The following GOLGA2 variants were observed in gnomAD, a reference collection of about 807,000 sequenced individuals.
GOLGA2 encodes the protein golgin A2.
GOLGA2 carries 49 observed loss-of-function variants against 148.8 expected under a neutral mutation model. The observed-to-expected ratio is 0.33, with a 90% CI of 0.26 to 0.42. The LOEUF (loss-of-function observed/expected upper bound fraction) is 0.42. Ranked by LOEUF, GOLGA2 falls within the 10% of genes least tolerant of loss-of-function variation. The probability of loss-of-function intolerance (pLI) is 1.00; values close to 1 mark genes in which losing one functional copy is unlikely to be tolerated. For synonymous variants in GOLGA2, 501 were observed against 511.8 expected (o/e 0.98, Z 0.28); for missense variants, 1,178 against 1,304.6 (o/e 0.90, Z 1.49).
intron 14 of GOLGA2, 72 bp downstream of exon 14, chr9:128,262,491 C>G: frequency 6.9e-7 from 1 of 1,452,032 alleles, no homozygotes; most frequent in Non-Finnish European, 9.4e-7. Flanking sequence ...TCTCCCCATG[C>G]CCTGCATGAT....
chr9:128,266,563 C>G lies in GOLGA2; in HGVS notation c.643-238G>C, dbSNP rs1830608948. The G allele has an allele frequency of 1.7e-6, 1 of 590,946 alleles. No homozygotes were observed. The highest frequency in any genetic ancestry group is 1.9e-5 in the African/African-American group (1 of 53,620). 36.6% of individuals were successfully genotyped at this position (590,946 alleles called of 1,614,324 possible). A position where few individuals can be genotyped will look rare whatever the true frequency, so the allele number is the denominator to read the frequency against. On this transcript the variant is annotated intron_variant, in intron 8 of 26. Transcript: ENST00000611957. The surrounding 1 kb of genome is among the most constrained non-coding windows in gnomAD (Gnocchi z 4.2). Reference sequence around the variant, plus strand: ...CTGAATCTCGATTCTCTTGAAAGGACAGTAACATAAACCTCTAGAGATGGA... The same window carrying G: ...CTGAATCTCGATTCTCTTGAAAGGAGAGTAACATAAACCTCTAGAGATGGA...
At position 128,275,893 on chromosome 9, in the gene GOLGA2, CT is replaced by C; in HGVS notation, c.83del (p.Lys28SerfsTer2). ...GGGGCCGCGACCCGGTGCACTTTAC[CT>C]TTTTCTTCGCTGCGGCCAATTTGCT... ...RQSKLAAAKK[K>X]LREYQQRNSP... On this transcript the variant is annotated frameshift_variant and splice_region_variant, in exon 1 of 27. Coordinates refer to ENST00000611957, the MANE Select transcript of GOLGA2 (RefSeq NM_001366244.2). LOFTEE classifies it high-confidence loss of function. The C allele has an allele frequency of 6.4e-7, 1 of 1,552,278 alleles. No individual in the cohort carries two copies. The highest frequency in any genetic ancestry group is 8.7e-7 in the Non-Finnish European group (1 of 1,143,216).
chr9:128,257,229 G>C lies in GOLGA2; in HGVS notation c.2928C>G (p.Ala976=). 2 of 1,613,750 alleles carry C rather than the reference G, an allele frequency of 1.2e-6. No individual in the cohort carries two copies. Among genetic ancestry groups the C allele is most frequent in the Non-Finnish European group, 1.7e-6 (2 of 1,179,964 alleles). The change falls in exon 27 of 27, where the codon GCC becomes GCG. Residue 976 remains alanine, a synonymous_variant. Transcript: ENST00000611957. This position sits in a 1 kb window ranked among gnomAD's most constrained non-coding sequence, Gnocchi z 8.0. ...GGTTGTCACGGGGAGAACCCTCCCTGGCCTCTCCTTGGGCAGGCTCCACAC... is the reference window on the plus strand; with the variant it reads ...GGTTGTCACGGGGAGAACCCTCCCTCGCCTCTCCTTGGGCAGGCTCCACAC... ...AGSVEPAQGE[A]REGSPRDNPT...
chr9:128,273,673 G>A (rs1252697955), intron 2 of GOLGA2, 177 bp downstream of exon 2: 2 of 688,340 alleles, frequency 2.9e-6, no homozygotes, highest in South Asian at 2.1e-5. Context: ...GTTGTGAAAA[G>A]AGAGGCCCAA....
intron 3 of GOLGA2, among the ~76,000 whole-genome samples, chr9:128,269,495 C>G (rs1830800319): frequency 6.6e-6 from 1 of 152,150 alleles, no homozygotes; most frequent in African/African-American, 2.4e-5. Context: ...GGAATAGTAC[C>G]TGAGGACAAT....
rs758122712 is a variant in GOLGA2, at chr9:128,258,960, C to G, written c.2173+47G>C. The G allele has an allele frequency of 4.1e-6, 5 of 1,217,612 alleles. No individual in the cohort carries two copies. Among genetic ancestry groups the G allele is most frequent in the Non-Finnish European group, 6.0e-6 (5 of 827,508 alleles). 75.4% of individuals were successfully genotyped at this position (1,217,612 alleles called of 1,614,324 possible). On this transcript the variant is annotated intron_variant, in intron 21 of 26. Transcript: ENST00000611957. This position sits in a 1 kb window ranked among gnomAD's most constrained non-coding sequence, Gnocchi z 6.6. Reference sequence around the variant, plus strand: ...CAATTCTACGCTGCTAACAGTCCCCCCTTCTTCCTGGGGCTCTCTCCTCTT... The same window carrying G: ...CAATTCTACGCTGCTAACAGTCCCCGCTTCTTCCTGGGGCTCTCTCCTCTT...
Position 128,260,325 on chromosome 9 carries a change from A to C in GOLGA2, c.1759-136T>G. The C allele has an allele frequency of 9.2e-7, 1 of 1,082,140 alleles. No homozygotes were observed. Among genetic ancestry groups the C allele is most frequent in the Non-Finnish European group, 1.4e-6 (1 of 713,266 alleles). The allele number at this position is 1,082,140 out of a possible 1,614,324, so 67.0% of individuals were successfully genotyped here. A position where few individuals can be genotyped will look rare whatever the true frequency, so the allele number is the denominator to read the frequency against. Reference sequence around the variant, plus strand: ...AAATCATCCCCTCTCCCCCACAGCCATCGGAGCAGGGCTCTGGCTCACAGA... The same window carrying C: ...AAATCATCCCCTCTCCCCCACAGCCCTCGGAGCAGGGCTCTGGCTCACAGA... On this transcript the variant is annotated intron_variant, in intron 18 of 26. Coordinates refer to ENST00000611957, the MANE Select transcript of GOLGA2 (RefSeq NM_001366244.2). This position sits in a 1 kb window ranked among gnomAD's most constrained non-coding sequence, Gnocchi z 4.8.
At position 128,260,142 on chromosome 9, in the gene GOLGA2, G is replaced by A. The variant is rs1191242343; in HGVS notation, c.1806C>T (p.His602=). 1.6e-5 allele frequency: 26 copies of A among 1,610,474 alleles called. No individual in the cohort carries two copies. The highest frequency in any genetic ancestry group is 6.7e-5 in the African/African-American group (5 of 74,870). The part of the protein sequence containing the change: ...EITSALQSEQ[H]VKRELGKKLG... ...GCTTCTTTCCCAGCTCCCTCTTGACGTGCTGCTCCGACTGCAGTGCGCTGG... is the reference window on the plus strand; with the variant it reads ...GCTTCTTTCCCAGCTCCCTCTTGACATGCTGCTCCGACTGCAGTGCGCTGG... The change falls in exon 19 of 27, where the codon CAC becomes CAT. Residue 602 remains histidine, a synonymous_variant. Coordinates refer to ENST00000611957, the MANE Select transcript of GOLGA2 (RefSeq NM_001366244.2). This position sits in a 1 kb window ranked among gnomAD's most constrained non-coding sequence, Gnocchi z 4.8.
At position 128,258,764 on chromosome 9, in the gene GOLGA2, G is replaced by C. The variant is rs762917280; in HGVS notation, c.2174-194C>G. The C allele has an allele frequency of 6.5e-6, 4 of 613,780 alleles. No individual in the cohort carries two copies. The highest frequency in any genetic ancestry group is 4.0e-5 in the South Asian group (2 of 49,930). 38.0% of individuals were successfully genotyped at this position (613,780 alleles called of 1,614,324 possible). ...GCTGCCCAGGTGCAGTCCCACTACC[G>C]ATCAGCATGGGAGTTCTGACCTGCT... On this transcript the variant is annotated intron_variant, in intron 21 of 26. Coordinates refer to ENST00000611957, the MANE Select transcript of GOLGA2 (RefSeq NM_001366244.2). This position sits in a 1 kb window ranked among gnomAD's most constrained non-coding sequence, Gnocchi z 6.6.
chr9:128,260,240 G>C lies in GOLGA2; in HGVS notation c.1759-51C>G. 1.4e-6 allele frequency: 2 copies of C among 1,422,306 alleles called. No individual in the cohort carries two copies. Among genetic ancestry groups the C allele is most frequent in the Non-Finnish European group, 2.0e-6 (2 of 1,016,632 alleles). The allele number at this position is 1,422,306 out of a possible 1,614,324, so 88.1% of individuals were successfully genotyped here. A position where few individuals can be genotyped will look rare whatever the true frequency, so the allele number is the denominator to read the frequency against. On this transcript the variant is annotated intron_variant, in intron 18 of 26. Coordinates refer to ENST00000611957, the MANE Select transcript of GOLGA2 (RefSeq NM_001366244.2). The surrounding 1 kb of genome is among the most constrained non-coding windows in gnomAD (Gnocchi z 4.8). ...CCACCCACTGCAGCTGGAGACCCCA[G>C]AACTTGCTGCCTTGGTGTCTGCCTC...
In GOLGA2 at chr9:128,273,961, A is replaced by G; in HGVS notation, c.96T>C (p.Tyr32=). The change falls in exon 2 of 27, where the codon TAT becomes TAC. Residue 32 remains tyrosine (Y), a synonymous_variant. Transcript: ENST00000611957. ...LAAAKKKLRE[Y]QQRNSPGVPT... ...GAACACCAGGGCTATTCCTCTGCTG[A>G]TATTCTCTCAACTGTGGAAAAGAAG... is the stretch of plus-strand genomic sequence containing the variant. 1 of 1,612,882 alleles carries G rather than the reference A, an allele frequency of 6.2e-7. No individual in the cohort carries two copies. The highest frequency in any genetic ancestry group is 1.1e-5 in the South Asian group (1 of 91,042).
rs147513921 is a variant in GOLGA2, at chr9:128,262,651, C to T, written c.1046G>A (p.Arg349Gln). Residue 349 changes from arginine (R) to glutamine (Q), a missense_variant, in exon 14 of 27, where the codon CGG becomes CAG. Arg to Gln is a conservative substitution (Grantham distance 43, BLOSUM62 1). Coordinates refer to ENST00000611957, the MANE Select transcript of GOLGA2 (RefSeq NM_001366244.2). ...GCCAGCCTTCTCAGTCACTAGGACC[C>T]GAAGCTTCTCTTCCAATTCTGATTT... is the stretch of plus-strand genomic sequence containing the variant. ...QEKSELEEKL[R>Q]VLVTEKAGMQ... 15 of 1,613,380 alleles carry T rather than the reference C, an allele frequency of 9.3e-6. No homozygotes were observed. Among genetic ancestry groups the T allele is most frequent in the African/African-American group, 1.3e-5 (1 of 75,050 alleles).
In GOLGA2 at chr9:128,260,362, G is replaced by C; in HGVS notation, c.1758+103C>G. 7.1e-6 allele frequency: 8 copies of C among 1,127,904 alleles called. No individual in the cohort carries two copies. Among genetic ancestry groups the C allele is most frequent in the Non-Finnish European group, 1.1e-5 (8 of 758,420 alleles). The allele number at this position is 1,127,904 out of a possible 1,614,324, so 69.9% of individuals were successfully genotyped here. A position where few individuals can be genotyped will look rare whatever the true frequency, so the allele number is the denominator to read the frequency against. On this transcript the variant is annotated intron_variant, in intron 18 of 26. Transcript: ENST00000611957. The surrounding 1 kb of genome is among the most constrained non-coding windows in gnomAD (Gnocchi z 4.8). ...CTCTGGCTCACAGATGCCTCCAGAA[G>C]TACCATTTCAAGTGAGGGCTACACT...
At chr9:128,264,876 C>G (rs1194810489) in intron 12 of GOLGA2, among the ~76,000 whole-genome samples, 2 of 152,208 alleles carry the variant, frequency 1.3e-5, no homozygotes, top group Non-Finnish European at 2.9e-5. Flanking sequence ...CTCATAACCA[C>G]CACATGAGAC....
intron 8 of GOLGA2, 109 bp downstream of exon 8, chr9:128,267,085 C>G: frequency 3.7e-6 from 3 of 807,026 alleles, no homozygotes; most frequent in Non-Finnish European, 6.7e-6. Context: ...CCCAGCTCCC[C>G]ATTCGCCCTT....
chr9:128,258,104 A>C lies in GOLGA2; in HGVS notation c.2384T>G (p.Leu795Arg). 6.2e-7 allele frequency: 1 copy of C among 1,609,864 alleles called. No homozygotes were observed. The change falls in exon 23 of 27, where the codon CTG becomes CGG. Residue 795 changes from leucine to arginine, a missense_variant. By Grantham distance (102) the Leu-to-Arg change is moderately radical. Coordinates refer to ENST00000611957, the MANE Select transcript of GOLGA2 (RefSeq NM_001366244.2). This position sits in a 1 kb window ranked among gnomAD's most constrained non-coding sequence, Gnocchi z 6.6. ...CTGGGCCGAGGCCAGCAGGTGAGCC[A>C]GGCGCCGGCAGCGCACCCTTTGCTC... ...LKEQRVRCRR[L>R]AHLLASAQKE...
rs765510141 is a variant in GOLGA2 at position 128,261,483 on chromosome 9, G to A, written c.1303C>T (p.Arg435Trp). The A allele has an allele frequency of 1.5e-5, 24 of 1,607,664 alleles. No homozygotes were observed. The East Asian group carries it at 2.0e-4, about 13-fold the overall frequency. The change falls in exon 16 of 27, where the codon CGG (arginine) becomes TGG (tryptophan). Residue 435 changes from arginine to tryptophan, a missense_variant. Coordinates refer to ENST00000611957, the MANE Select transcript of GOLGA2 (RefSeq NM_001366244.2). The surrounding 1 kb of genome is among the most constrained non-coding windows in gnomAD (Gnocchi z 5.7). ...TCTGACATCTGCTGCATCCTCTGCC[G>A]CCACATGGCGCTCTCTCCTTTGAGA... The part of the protein sequence containing the change: ...ENLKGESAMW[R>W]QRMQQMSEQV...
At position 128,262,548 on chromosome 9, in the gene GOLGA2, G is replaced by T. The variant is rs113564350; in HGVS notation, c.1134+15C>A. On this transcript the variant is annotated intron_variant, in intron 14 of 26. Transcript: ENST00000611957. ...GGATGGCGCTCCCACCACCCATGGG[G>T]CTGCAGCCTCTTGCCTGTTGAAGCA... The T allele has an allele frequency of 6.2e-7, 1 of 1,612,210 alleles. No homozygotes were observed. The highest frequency in any genetic ancestry group is 8.5e-7 in the Non-Finnish European group (1 of 1,178,742).
rs960980649 is a variant in GOLGA2 at position 128,261,375 on chromosome 9, C to T, written c.1332+79G>A. ...AGACCCATGACCACCTCTGGCTGTGCTCCTCCCATTTCGCAGATGCCCAGA... is the reference window on the plus strand; with the variant it reads ...AGACCCATGACCACCTCTGGCTGTGTTCCTCCCATTTCGCAGATGCCCAGA... On this transcript the variant is annotated intron_variant, in intron 16 of 26. Coordinates refer to ENST00000611957, the MANE Select transcript of GOLGA2 (RefSeq NM_001366244.2). The surrounding 1 kb of genome is among the most constrained non-coding windows in gnomAD (Gnocchi z 5.7). 1.7e-6 allele frequency: 2 copies of T among 1,207,774 alleles called. No individual in the cohort carries two copies. The highest frequency in any genetic ancestry group is 1.5e-5 in the African/African-American group (1 of 66,540). 74.8% of individuals were successfully genotyped at this position (1,207,774 alleles called of 1,614,324 possible).
Sources: allele counts gnomAD v4.1 joint callset (sites outside exome capture counted in the v4.1 genomes callset), GRCh38; gene constraint gnomAD v4.1.1; non-coding constraint Gnocchi (gnomAD v3.1); transcripts MANE v1.5; gene names NCBI Gene and HGNC (gene_info 2026-07-23, HGNC 2026-07-21).